Variants in UMOD observed in about 807,000 individuals in gnomAD.
UMOD encodes Tamm-Horsfall urinary glycoprotein.
Under a neutral mutation model 66.0 loss-of-function variants are expected in UMOD, and 64 were observed. That is an observed-to-expected ratio of 0.97 (90% CI 0.79 to 1.19). UMOD has a LOEUF of 1.19. Among genes scored for constraint, UMOD ranks in the 50% most tolerant of loss-of-function variants. UMOD has a pLI of 0.00. For synonymous variants in UMOD, 398 were observed against 352.7 expected (o/e 1.13, Z -1.44); for missense variants, 764 against 850.9 (o/e 0.90, Z 1.27).
intron 5 of UMOD, 134 bp downstream of exon 5, chr16:20,345,992 C>T: frequency 1.3e-6 from 1 of 761,036 alleles, no homozygotes; most frequent in South Asian, 1.8e-5. Flanking sequence ...TATTATTTCT[C>T]CACTTTACAG....
chr16:20,352,708 G>A lies in UMOD; in HGVS notation c.-122C>T. On this transcript the variant is annotated 5_prime_UTR_variant, in exon 1 of 11. Coordinates refer to ENST00000396138, the MANE Select transcript of UMOD (RefSeq NM_003361.4). Reference sequence around the variant, plus strand: ...CCTTACCTGAAGCCAGAAAGGTAGAGTTAGTCTGGTCATGATGTGCCTCAT... The same window carrying A: ...CCTTACCTGAAGCCAGAAAGGTAGAATTAGTCTGGTCATGATGTGCCTCAT... 8.1e-7 allele frequency: 1 copy of A among 1,231,680 alleles called. No individual in the cohort carries two copies. 76.3% of individuals were successfully genotyped at this position (1,231,680 alleles called of 1,614,324 possible).
At chr16:20,344,002 T>TA (rs750560548) in intron 6 of UMOD, 22 bp downstream of exon 6, 5 of 1,612,670 alleles carry the variant, frequency 3.1e-6, no homozygotes, top group Non-Finnish European at 3.4e-6. Context: ...CTAGGGGCCC[T>TA]AGGGACCCTC....
At chr16:20,340,276 G>A (rs1965119277) in intron 7 of UMOD, among the ~76,000 whole-genome samples, 1 of 152,182 alleles carries the variant, frequency 6.6e-6, no homozygotes, top group African/African-American at 2.4e-5. Flanking sequence ...TGAGGCTAAA[G>A]CTGGAGGATC....
At chr16:20,343,908 T>C (rs1965378008) in intron 6 of UMOD, 116 bp downstream of exon 6, 3 of 1,313,780 alleles carry the variant, frequency 2.3e-6, no homozygotes, top group Non-Finnish European at 3.2e-6. Context: ...TGGGCAACCC[T>C]GATTCCCAGC....
At chr16:20,347,942 G>A (rs1321000195) in intron 4 of UMOD, among the ~76,000 whole-genome samples, 1 of 152,156 alleles carries the variant, frequency 6.6e-6, no homozygotes, top group African/African-American at 2.4e-5. Context: ...TGGCAGCAAC[G>A]TGGGTGCCCA....
chr16:20,336,838 A>T lies in UMOD; in HGVS notation c.1741-111T>A, dbSNP rs115257363. 2.3e-3 allele frequency: 2,167 copies of T among 948,268 alleles called. 32 individuals are homozygous for T. The African/African-American group carries it at 0.032, about 14-fold the overall frequency. The allele number at this position is 948,268 out of a possible 1,614,324, so 58.7% of individuals were successfully genotyped here. ...AGGTGCCTTCCCTTGCCCCAGGCAG[A>T]AGTTGTTAGGAGACCTGTATACCGG... On this transcript the variant is annotated intron_variant, in intron 8 of 10. Coordinates refer to ENST00000396138, the MANE Select transcript of UMOD (RefSeq NM_003361.4).
upstream of UMOD, among the ~76,000 whole-genome samples, chr16:20,354,251 A>T (rs905479541): frequency 1.3e-5 from 2 of 152,140 alleles, no homozygotes; most frequent in Non-Finnish European, 2.9e-5. Context: ...TAGGGTAACC[A>T]CTGGCACTGG....
chr16:20,354,122 A>G (rs1268378174), upstream of UMOD, among the ~76,000 whole-genome samples: 1 of 152,222 alleles, frequency 6.6e-6, no homozygotes, highest in Non-Finnish European at 1.5e-5. Context: ...TCCACGGTGT[A>G]TATGTGCCAC....
In UMOD at chr16:20,337,162, A is replaced by T. The variant is rs371143149; in HGVS notation, c.1740+129T>A. The T allele has an allele frequency of 5.4e-6, 7 of 1,297,924 alleles. No homozygotes were observed. In the African/African-American group the frequency reaches 7.3e-5, roughly 14 times the overall value. The allele number at this position is 1,297,924 out of a possible 1,614,324, so 80.4% of individuals were successfully genotyped here. A position where few individuals can be genotyped will look rare whatever the true frequency, so the allele number is the denominator to read the frequency against. ...TTAGGTTTCCTGCCTAGCCACGCCC[A>T]CCTCATCTTATTGCTCATTCTATCC... is the stretch of plus-strand genomic sequence containing the variant. On this transcript the variant is annotated intron_variant, in intron 8 of 10. Transcript: ENST00000396138.
chr16:20,333,131 GA>G lies in UMOD; in HGVS notation c.*182del. 1 of 668,690 alleles carries G rather than the reference GA, an allele frequency of 1.5e-6. No individual in the cohort carries two copies. Among genetic ancestry groups the G allele is most frequent in the Non-Finnish European group, 2.7e-6 (1 of 369,844 alleles). 41.4% of individuals were successfully genotyped at this position (668,690 alleles called of 1,614,324 possible). ...TACACCGTCACAAGTCCCATTTTGA[GA>G]AAAAGCAGCATTTAAAGACACAGGC... On this transcript the variant is annotated 3_prime_UTR_variant, in exon 11 of 11. Transcript: ENST00000396138.
At position 20,337,460 on chromosome 16, in the gene UMOD, G is replaced by A. The variant is rs1964950833; in HGVS notation, c.1578-7C>T. ...GTCTCTAGTGTGTGGGCATCTGGGA[G>A]GGTTACACATCATTTAATGTGGTTG... is the stretch of plus-strand genomic sequence containing the variant. On this transcript the variant is annotated splice_polypyrimidine_tract_variant and splice_region_variant and intron_variant, in intron 7 of 10. Transcript: ENST00000396138. 6.2e-7 allele frequency: 1 copy of A among 1,614,186 alleles called. No homozygotes were observed. The highest frequency in any genetic ancestry group is 1.3e-5 in the African/African-American group (1 of 75,046).
intron 5 of UMOD, 82 bp downstream of exon 5, chr16:20,346,044 A>T: frequency 1.4e-6 from 2 of 1,382,036 alleles, no homozygotes; most frequent in Non-Finnish European, 1.0e-6. Context: ...AACTCCCCAA[A>T]GCTTCTATAA....
intron 7 of UMOD, among the ~76,000 whole-genome samples, chr16:20,340,394 C>A (rs113923200): frequency 5.4e-5 from 8 of 148,704 alleles, no homozygotes; most frequent in Admixed American, 4.7e-4. Flanking sequence ...CCAAATCAAA[C>A]GACCAAAAAA....
At chr16:20,334,753 G>A (rs1389643643) in intron 10 of UMOD, among the ~76,000 whole-genome samples, 2 of 152,062 alleles carry the variant, frequency 1.3e-5, no homozygotes, top group African/African-American at 4.8e-5. Context: ...GCAGAGAAGT[G>A]GGGTTTCTTA....
chr16:20,336,563 C>T, intron 9 of UMOD, 83 bp downstream of exon 9: 1 of 1,358,308 alleles, frequency 7.4e-7, no homozygotes, highest in Non-Finnish European at 1.1e-6. Flanking sequence ...AGTAAGGTGC[C>T]AAGGTGCCAG....
chr16:20,344,248 G>A, intron 5 of UMOD, 76 bp from the exon 6 acceptor site: 3 of 1,409,246 alleles, frequency 2.1e-6, no homozygotes, highest in East Asian at 2.3e-5. Flanking sequence ...GGACTTCAAA[G>A]CTAAATCTGC....
At chr16:20,341,367 C>T (rs370774157) in intron 6 of UMOD, 31 bp from the exon 7 acceptor site, 26 of 1,610,560 alleles carry the variant, frequency 1.6e-5, no homozygotes, top group African/African-American at 9.3e-5. Flanking sequence ...GTGAGAGGAC[C>T]GGGCTGAGAA....
At chr16:20,343,680 C>T (rs1965366795) in intron 6 of UMOD, among the ~76,000 whole-genome samples, 1 of 152,174 alleles carries the variant, frequency 6.6e-6, no homozygotes, top group Admixed American at 6.5e-5. Context: ...ACTATTAAAC[C>T]CATTTCACAG....
At chr16:20,333,493 T>C (rs990268102) in intron 10 of UMOD, 118 bp from the exon 11 acceptor site, 1 of 968,430 alleles carries the variant, frequency 1.0e-6, no homozygotes, top group African/African-American at 1.6e-5. Context: ...TGGGCTGCTC[T>C]CCTAGAAAAA....
Sources: allele counts gnomAD v4.1 joint callset (sites outside exome capture counted in the v4.1 genomes callset), GRCh38; gene constraint gnomAD v4.1.1; transcripts MANE v1.5; gene names NCBI Gene and HGNC (gene_info 2026-07-23, HGNC 2026-07-21).